Variants in BICD1 observed in about 807,000 individuals in gnomAD.
The protein encoded by BICD1 is protein bicaudal D homolog 1.
A neutral mutation model predicts 92.5 loss-of-function variants in BICD1; 35 were observed. That is an observed-to-expected ratio of 0.38 (90% confidence interval 0.29 to 0.50). The LOEUF (loss-of-function observed/expected upper bound fraction) is 0.50. Among genes scored for constraint, BICD1 ranks in the 20% least tolerant of loss-of-function variants. The probability of loss-of-function intolerance (pLI) is 0.93; values close to 1 mark genes in which losing one functional copy is unlikely to be tolerated. For missense variants in BICD1, 950 were observed against 1,189.8 expected, an observed-to-expected ratio of 0.80 and a Z score of 2.97; for synonymous variants, 429 against 465.1, an observed-to-expected ratio of 0.92 and a Z score of 1.00.
At position 32,189,100 on chromosome 12, in the gene BICD1, G is replaced by A. The variant is rs554790868; in HGVS notation, c.214-27147G>A. On this transcript the variant is annotated intron_variant, in intron 1 of 9. Transcript: ENST00000652176. ...TAATTTTTATTTTCTCATGAAGCCT[G>A]ATAGGAAAAGCTTTGCCCTTAGGCT... 9.2e-5 allele frequency among the ~76,000 whole-genome samples: 14 copies of A among 152,304 alleles called. 1 individual carries two copies. Among genetic ancestry groups the A allele is most frequent in the African/African-American group, 3.4e-4 (14 of 41,566 alleles).
chr12:32,128,326 C>T (rs1201898326), intron 1 of BICD1, among the ~76,000 whole-genome samples: 7 of 152,166 alleles, frequency 4.6e-5, no homozygotes, highest in East Asian at 1.9e-4. Flanking sequence ...GAAGCATATG[C>T]GTATTTCCAC....
chr12:32,241,346 G>A (rs929094039), intron 2 of BICD1, among the ~76,000 whole-genome samples: 1 of 152,202 alleles, frequency 6.6e-6, no homozygotes, highest in Non-Finnish European at 1.5e-5. Flanking sequence ...GGAATAAAAT[G>A]AAGTTACAAT....
rs558243020 is a variant in BICD1 at position 32,315,491 on chromosome 12, A to C, written c.1005+9369A>C. Among the ~76,000 whole-genome samples the C allele has an allele frequency of 1.8e-3, 270 of 151,714 alleles. 3 individuals carry two copies. The highest frequency in any genetic ancestry group is 6.2e-3 in the African/African-American group (257 of 41,390). On this transcript the variant is annotated intron_variant, in intron 4 of 9. Coordinates refer to ENST00000652176, the MANE Select transcript of BICD1 (RefSeq NM_001714.4). ...TATAAATTTTATGACCATCTTGTCA[A>C]TTTCTGCAAAGAATCCAGCTGAAAT...
At chr12:32,295,671 T>G (rs1239582) in intron 3 of BICD1, among the ~76,000 whole-genome samples, 48,148 of 149,364 alleles carry the variant, frequency 0.32, 8,251 homozygotes, top group Non-Finnish European at 0.41. Flanking sequence ...TTTTTTTTTT[T>G]GCGACAGAGT....
chr12:32,190,014 T>C (rs76250633), intron 1 of BICD1, among the ~76,000 whole-genome samples: 1,814 of 152,256 alleles, frequency 0.012, 29 homozygotes, highest in African/African-American at 0.041. Flanking sequence ...AGAATTTTTG[T>C]ATGCAATTGA....
chr12:32,294,704 A>G (rs111325284), intron 3 of BICD1, among the ~76,000 whole-genome samples: 9,700 of 149,796 alleles, frequency 0.065, 455 homozygotes, highest in Middle Eastern at 0.15. Context: ...CTGGTCTCTC[A>G]CTCCCTTAAA....
intron 4 of BICD1, among the ~76,000 whole-genome samples, chr12:32,308,154 A>G (rs73295807): frequency 6.6e-6 from 1 of 152,124 alleles, no homozygotes; most frequent in Non-Finnish European, 1.5e-5. Flanking sequence ...ACAAGTAAGT[A>G]CTCAGCTGGA....
At chr12:32,326,639 C>CAGGA (rs758213582) in intron 4 of BICD1, among the ~76,000 whole-genome samples, 17 of 152,138 alleles carry the variant, frequency 1.1e-4, no homozygotes, top group Non-Finnish European at 2.4e-4. Context: ...AATCCTAGTA[C>CAGGA]TTTGGGAGGC....
intron 8 of BICD1, chr12:32,340,325 CTTGGTGTTT>C (rs751433140): frequency 2.2e-5 from 22 of 985,200 alleles, no homozygotes; most frequent in Non-Finnish European, 2.5e-5. Context: ...GTAAAAACTG[CTTGGTGTTT>C]TTAATTTCAT....
intron 8 of BICD1, among the ~76,000 whole-genome samples, chr12:32,341,533 G>C (rs1366224471): frequency 6.6e-6 from 1 of 151,648 alleles, no homozygotes; most frequent in East Asian, 1.9e-4. Context: ...AGAAGGTCAT[G>C]CTAATGACAG....
At chr12:32,142,404 C>CT (rs1942954036) in intron 1 of BICD1, among the ~76,000 whole-genome samples, 1 of 18,360 alleles carries the variant, frequency 5.4e-5, no homozygotes, top group African/African-American at 2.7e-4. Flanking sequence ...GAGACTCTGT[C>CT]TAAAAAAAAA....
chr12:32,214,220 T>C (rs1945291822), intron 1 of BICD1, among the ~76,000 whole-genome samples: 1 of 152,216 alleles, frequency 6.6e-6, no homozygotes, highest in Non-Finnish European at 1.5e-5. Flanking sequence ...TGGCTTATTT[T>C]GCTCCAGCCC....
chr12:32,304,161 A>T lies in BICD1; in HGVS notation c.580-1536A>T, dbSNP rs918324838. Among the ~76,000 whole-genome samples, 7 of 152,290 alleles carry T rather than the reference A, an allele frequency of 4.6e-5. No homozygotes were observed. In the East Asian group the frequency reaches 1.4e-3, roughly 29 times the overall value. On this transcript the variant is annotated intron_variant, in intron 3 of 9. Transcript: ENST00000652176. ...CATCAGCCAGGCTACATCCCAACTA[A>T]ATCTCTACCCTAACCTTTGCGAGAC... is the stretch of plus-strand genomic sequence containing the variant.
chr12:32,142,496 A>ATCTATTGG (rs1555134363), intron 1 of BICD1, among the ~76,000 whole-genome samples: 1,974 of 73,216 alleles, frequency 0.027, 23 homozygotes, highest in Non-Finnish European at 0.034. Flanking sequence ...CTATTGGTCT[A>ATCTATTGG]TCTATCTAGA....
chr12:32,261,560 ATAT>A (rs1451032391), intron 2 of BICD1, among the ~76,000 whole-genome samples: 1 of 152,144 alleles, frequency 6.6e-6, no homozygotes, highest in African/African-American at 2.4e-5. Flanking sequence ...GAAAAAGGTG[ATAT>A]TATAGGGAAG....
chr12:32,201,341 T>C (rs1263341544), intron 1 of BICD1, among the ~76,000 whole-genome samples: 1 of 152,226 alleles, frequency 6.6e-6, no homozygotes, highest in South Asian at 2.1e-4. Context: ...TTTAAAAGGA[T>C]AGACGTGCTT....
Position 32,383,390 on chromosome 12 carries a change from A to T in BICD1, c.*5763A>T, listed in dbSNP as rs1940253341. ...TTCTTATGAATTTATTATTGCTTGT[A>T]CTTTAACTTTTTTTATTGTAGACAA... is the stretch of plus-strand genomic sequence containing the variant. On this transcript the variant is annotated 3_prime_UTR_variant, in exon 10 of 10. Transcript: ENST00000652176. The T allele has an allele frequency of 6.6e-6, 1 of 152,172 alleles. No individual in the cohort carries two copies. Among genetic ancestry groups the T allele is most frequent in the Admixed American group, 6.5e-5 (1 of 15,272 alleles). 9.4% of individuals were successfully genotyped at this position (152,172 alleles called of 1,614,324 possible).
At chr12:32,369,459 T>A (rs1939648236) in intron 9 of BICD1, among the ~76,000 whole-genome samples, 1 of 152,262 alleles carries the variant, frequency 6.6e-6, no homozygotes, top group African/African-American at 2.4e-5. Context: ...GCAAGCTACA[T>A]GTGGTCAGGG....
intron 1 of BICD1, among the ~76,000 whole-genome samples, chr12:32,182,266 C>G (rs1302041907): frequency 9.6e-6 from 1 of 104,600 alleles, no homozygotes; most frequent in Non-Finnish European, 2.1e-5. Context: ...TTTTTTCTTT[C>G]TTTCTTTCTT....
Sources: allele counts gnomAD v4.1 joint callset (sites outside exome capture counted in the v4.1 genomes callset), GRCh38; gene constraint gnomAD v4.1.1; transcripts MANE v1.5; gene names NCBI Gene and HGNC (gene_info 2026-07-23, HGNC 2026-07-21).